Variants in RNF43 observed in about 807,000 individuals in gnomAD.
RNF43 encodes the protein ring finger protein 43, also known as E3 ubiquitin-protein ligase RNF43.
RNF43 carries 37 observed loss-of-function variants against 78.4 expected under a neutral mutation model. That is an observed-to-expected ratio of 0.47 (90% CI 0.36 to 0.62). RNF43 has a LOEUF of 0.62. Ranked by LOEUF, RNF43 falls within the 20% of genes least tolerant of loss-of-function variation. The pLI is 0.00. For missense variants in RNF43, 774 were observed against 1,007.9 expected (o/e 0.77, Z 3.14); for synonymous variants, 347 against 395.0 (o/e 0.88, Z 1.44).
At chr17:58,412,870 A>T (rs958825262) in intron 2 of RNF43, among the ~76,000 whole-genome samples, 5 of 151,812 alleles carry the variant, frequency 3.3e-5, no homozygotes, top group Admixed American at 1.3e-4. Flanking sequence ...ATTTTTTGGT[A>T]CATACATAGC....
chr17:58,368,169 G>A (rs1349838899), intron 3 of RNF43, among the ~76,000 whole-genome samples: 1 of 152,226 alleles, frequency 6.6e-6, no homozygotes, highest in East Asian at 1.9e-4. Flanking sequence ...AGAGAGCAGA[G>A]CTGCAGGGGT....
intron 3 of RNF43, among the ~76,000 whole-genome samples, chr17:58,370,060 G>T (rs866668411): frequency 2.5e-4 from 24 of 96,258 alleles, no homozygotes; most frequent in East Asian, 5.4e-4. Context: ...GAAAATCTGA[G>T]TTTTTTTTTT....
At chr17:58,368,909 A>T (rs1256650581) in intron 3 of RNF43, among the ~76,000 whole-genome samples, 4 of 152,142 alleles carry the variant, frequency 2.6e-5, no homozygotes, top group African/African-American at 7.2e-5. Flanking sequence ...GACTCATAGG[A>T]GTCACAGGCA....
intron 8 of RNF43, among the ~76,000 whole-genome samples, chr17:58,359,498 G>C (rs932515863): frequency 6.6e-6 from 1 of 151,904 alleles, no homozygotes; most frequent in African/African-American, 2.4e-5. Flanking sequence ...CAGCTACTCC[G>C]GAGGCTGAGG....
Position 58,358,304 on chromosome 17 carries a change from T to C in RNF43, c.1472A>G (p.His491Arg), listed in dbSNP as rs750201555. ...NCTDISLQGV[H>R]GSSSTFCSSL... Reference sequence around the variant, plus strand: ...GCTGCAGAAAGTAGAACTGCTGCCATGGACCCCCTGTAGGCTGATGTCCGT... The same window carrying C: ...GCTGCAGAAAGTAGAACTGCTGCCACGGACCCCCTGTAGGCTGATGTCCGT... Residue 491 changes from histidine to arginine, a missense_variant, in exon 9 of 10, where the codon CAT becomes CGT. Coordinates refer to ENST00000407977, the MANE Select transcript of RNF43 (RefSeq NM_017763.6). The surrounding 1 kb of genome is among the most constrained non-coding windows in gnomAD (Gnocchi z 6.2). 4 of 1,614,156 alleles carry C rather than the reference T, an allele frequency of 2.5e-6. No individual in the cohort carries two copies. The highest frequency in any genetic ancestry group is 1.1e-5 in the South Asian group (1 of 91,082).
chr17:58,363,656 C>T, intron 3 of RNF43, 56 bp from the exon 4 acceptor site: 1 of 1,486,952 alleles, frequency 6.7e-7, no homozygotes, highest in South Asian at 1.2e-5. Context: ...AGAGCCCACC[C>T]ACAGGCTAGC....
chr17:58,391,463 G>T (rs964108587), intron 2 of RNF43, among the ~76,000 whole-genome samples: 2 of 152,146 alleles, frequency 1.3e-5, no homozygotes, highest in Non-Finnish European at 2.9e-5. Context: ...AGGTTCCATT[G>T]TGTGTCCCTG....
intron 2 of RNF43, among the ~76,000 whole-genome samples, chr17:58,409,336 G>T (rs1224984989): frequency 6.6e-6 from 1 of 152,048 alleles, no homozygotes; most frequent in Non-Finnish European, 1.5e-5. Flanking sequence ...CATTCTCACA[G>T]CCTTCTCTAA....
rs563834125 is a variant in RNF43 at position 58,387,063 on chromosome 17, C to T, written c.253-16030G>A. On this transcript the variant is annotated intron_variant, in intron 2 of 9. Transcript: ENST00000407977. ...ATGTGTGCTAAATTAATGTTGAAAA[C>T]GTGAGCTTTTGGTCTCCCAGGTCCA... Among the ~76,000 whole-genome samples, 9 of 152,250 alleles carry T rather than the reference C, an allele frequency of 5.9e-5. No individual in the cohort carries two copies. In the East Asian group the frequency reaches 7.7e-4, roughly 13 times the overall value.
Position 58,360,860 on chromosome 17 carries a change from C to T in RNF43, c.772G>A (p.Glu258Lys), listed in dbSNP as rs781149233. 5.6e-6 allele frequency: 9 copies of T among 1,612,726 alleles called. No individual in the cohort carries two copies. The Admixed American group carries it at 1.3e-4, about 24-fold the overall frequency. ...CAGCTGCTCCCTGAGTCTGGCCACTCACCCCGGGCCTGCCTGCAGCTGGCC... is the reference window on the plus strand; with the variant it reads ...CAGCTGCTCCCTGAGTCTGGCCACTTACCCCGGGCCTGCCTGCAGCTGGCC... ...YQASCRQARG[E>K]WPDSGSSCSS... is the part of the protein sequence containing the mutation. Residue 258 changes from glutamate to lysine, a missense_variant, in exon 7 of 10, where the codon GAG (glutamate) becomes AAG (lysine). Physicochemically the swap from Glu to Lys is moderately conservative, Grantham distance 56 (BLOSUM62 1). Coordinates refer to ENST00000407977, the MANE Select transcript of RNF43 (RefSeq NM_017763.6). The surrounding 1 kb of genome is among the most constrained non-coding windows in gnomAD (Gnocchi z 4.3).
chr17:58,372,670 A>G (rs1288118483), intron 2 of RNF43, among the ~76,000 whole-genome samples: 2 of 148,854 alleles, frequency 1.3e-5, no homozygotes, highest in Non-Finnish European at 3.0e-5. Context: ...ATGCAAACAC[A>G]TCGTGATGTT....
chr17:58,352,691 A>C, downstream of RNF43: 1 of 206,908 alleles, frequency 4.8e-6, no homozygotes, highest in Non-Finnish European at 9.9e-6. Context: ...AGAGCGCTAT[A>C]GGGTTTCCAC....
chr17:58,360,399 T>C lies in RNF43; in HGVS notation c.850-148A>G. 1.6e-6 allele frequency: 1 copy of C among 634,836 alleles called. No homozygotes were observed. Among genetic ancestry groups the C allele is most frequent in the Non-Finnish European group, 2.8e-6 (1 of 359,998 alleles). 39.3% of individuals were successfully genotyped at this position (634,836 alleles called of 1,614,324 possible). A position where few individuals can be genotyped will look rare whatever the true frequency, so the allele number is the denominator to read the frequency against. Reference sequence around the variant, plus strand: ...AGTAGAATAGGAATGGTATGAGCTTTGGCATCACATAGACCTGGATTTTGC... The same window carrying C: ...AGTAGAATAGGAATGGTATGAGCTTCGGCATCACATAGACCTGGATTTTGC... On this transcript the variant is annotated intron_variant, in intron 7 of 9. Coordinates refer to ENST00000407977, the MANE Select transcript of RNF43 (RefSeq NM_017763.6). This position sits in a 1 kb window ranked among gnomAD's most constrained non-coding sequence, Gnocchi z 4.3.
chr17:58,395,440 C>G (rs1184907645), intron 2 of RNF43, among the ~76,000 whole-genome samples: 1 of 152,160 alleles, frequency 6.6e-6, no homozygotes, highest in Non-Finnish European at 1.5e-5. Flanking sequence ...ACCCCTTACC[C>G]CTTTATGAGG....
intron 3 of RNF43, among the ~76,000 whole-genome samples, chr17:58,369,095 A>ACG (rs1192916775): frequency 4.9e-4 from 74 of 149,968 alleles, no homozygotes; most frequent in African/African-American, 1.8e-3. Flanking sequence ...ACACACACGC[A>ACG]CACACACACA....
intron 2 of RNF43, among the ~76,000 whole-genome samples, chr17:58,397,938 C>T (rs1217337738): frequency 1.3e-5 from 2 of 152,128 alleles, no homozygotes; most frequent in Admixed American, 6.6e-5. Flanking sequence ...TTTCTGTAAA[C>T]CAATGAGAAT....
At chr17:58,359,077 C>T (rs1972773318) in intron 8 of RNF43, among the ~76,000 whole-genome samples, 1 of 152,138 alleles carries the variant, frequency 6.6e-6, no homozygotes, top group African/African-American at 2.4e-5. Context: ...AGCTCTTTCA[C>T]CCAGGGCCAC....
chr17:58,405,245 T>A (rs1973880923), intron 2 of RNF43, among the ~76,000 whole-genome samples: 1 of 151,520 alleles, frequency 6.6e-6, no homozygotes, highest in Non-Finnish European at 1.5e-5. Context: ...GCCCAGTTAA[T>A]TTTTTGTATT....
At chr17:58,373,541 C>T (rs1468079179) in intron 2 of RNF43, among the ~76,000 whole-genome samples, 1 of 152,112 alleles carries the variant, frequency 6.6e-6, no homozygotes, top group Non-Finnish European at 1.5e-5. Context: ...TTTTTATGTG[C>T]ACATAGTAGG....
Sources: gnomAD v4.1 joint callset for allele counts (sites outside exome capture counted in the v4.1 genomes callset) on GRCh38, gnomAD v4.1.1 for gene constraint, Gnocchi (gnomAD v3.1) non-coding constraint, MANE v1.5 for transcripts, NCBI Gene and HGNC (gene_info 2026-07-23, HGNC 2026-07-21) for gene names.